The following MFAP4 variants were observed in gnomAD, a reference collection of about 807,000 sequenced individuals.
The protein encoded by MFAP4 is microfibril associated protein 4.
MFAP4 carries 20 observed loss-of-function variants against 32.4 expected under a neutral mutation model. That is an observed-to-expected ratio of 0.62 (90% confidence interval 0.43 to 0.90). The LOEUF (loss-of-function observed/expected upper bound fraction) is 0.90. Among genes scored for constraint, MFAP4 ranks in the 40% least tolerant of loss-of-function variants. The probability of loss-of-function intolerance (pLI) is 0.00; values close to 1 mark genes in which losing one functional copy is unlikely to be tolerated. For synonymous variants in MFAP4, 146 were observed against 137.4 expected, an observed-to-expected ratio of 1.06 and a Z score of -0.44; for missense variants, 267 against 329.5, an observed-to-expected ratio of 0.81 and a Z score of 1.47.
In MFAP4 at chr17:19,383,487, C is replaced by T. The variant is rs12073; in HGVS notation, c.*975G>A. 1,939 of 302,240 alleles carry T rather than the reference C, an allele frequency of 6.4e-3. 34 individuals are homozygous for T. The highest frequency in any genetic ancestry group is 0.039 in the African/African-American group (1,804 of 46,346). 18.7% of individuals were successfully genotyped at this position (302,240 alleles called of 1,614,324 possible). ...TTATTATTATTATGTTATTATTACACTGTCTTTTTGCCATCAAAATGAGGC... is the reference window on the plus strand; with the variant it reads ...TTATTATTATTATGTTATTATTACATTGTCTTTTTGCCATCAAAATGAGGC... On this transcript the variant is annotated 3_prime_UTR_variant, in exon 6 of 6. Transcript: ENST00000299610.
intron 3 of MFAP4, 44 bp from the exon 4 acceptor site, chr17:19,385,498 G>T (rs370965126): frequency 1.5e-5 from 23 of 1,572,032 alleles, no homozygotes; most frequent in Middle Eastern, 3.3e-4. Flanking sequence ...GGTCCAATGG[G>T]CAAGGTTCTG....
At chr17:19,385,616 C>T (rs746551695) in intron 3 of MFAP4, among the ~76,000 whole-genome samples, 162 bp from the exon 4 acceptor site, 2 of 152,172 alleles carry the variant, frequency 1.3e-5, no homozygotes, top group East Asian at 3.9e-4. Flanking sequence ...GCTAAAACAA[C>T]GTCCACATTG....
chr17:19,386,279 G>A, intron 3 of MFAP4, 31 bp downstream of exon 3: 3 of 1,541,994 alleles, frequency 1.9e-6, no homozygotes, highest in Non-Finnish European at 2.6e-6. Flanking sequence ...ATTAGAACCA[G>A]CTCTGGCCTC....
intron 1 of MFAP4, 134 bp from the exon 2 acceptor site, chr17:19,386,972 T>TGCCAGGGCCCCCCCCCCC: frequency 8.5e-6 from 8 of 937,002 alleles, no homozygotes; most frequent in Non-Finnish European, 1.2e-5. Flanking sequence ...TGGCCCCTCT[T>TGCCAGGGCCCCCCCCCCC]CCCTGCCCCC....
In MFAP4 at chr17:19,384,503, A is replaced by G; in HGVS notation, c.727T>C (p.Tyr243His). 6.2e-7 allele frequency: 1 copy of G among 1,605,412 alleles called. No homozygotes were observed. The change falls in exon 6 of 6, where the codon TAC becomes CAC. Residue 243 changes from tyrosine (Y) to histidine (H), a missense_variant. This residue lies in a region of MFAP4 where 25 missense variants were observed against 57.5 expected (regional missense o/e 0.43). Coordinates refer to ENST00000299610, the MANE Select transcript of MFAP4 (RefSeq NM_002404.3). The part of the protein sequence containing the change: ...INWAQWKGFY[Y>H]SLKRTEMKIR... ...TTCATCTCAGTGCGTTTGAGGGAGT[A>G]GTAGAAGCCCTTCCACTGGGCCCAG...
intron 3 of MFAP4, 130 bp downstream of exon 3, chr17:19,386,180 A>C: frequency 8.1e-6 from 7 of 863,446 alleles, no homozygotes; most frequent in Non-Finnish European, 1.0e-5. Context: ...GCAGCTGCTC[A>C]GAAGCTGTGC....
At chr17:19,384,816 G>A in intron 5 of MFAP4, 107 bp from the exon 6 acceptor site, 1 of 1,468,554 alleles carries the variant, frequency 6.8e-7, no homozygotes, top group South Asian at 1.2e-5. Context: ...GTGGCAGCCT[G>A]GCGGGATGGG....
At chr17:19,386,011 C>T (rs551599186) in intron 3 of MFAP4, among the ~76,000 whole-genome samples, 3 of 152,274 alleles carry the variant, frequency 2.0e-5, no homozygotes, top group East Asian at 1.9e-4. Context: ...CCCAGCTACT[C>T]GGGAGCCTGA....
In MFAP4 at chr17:19,386,430, G is replaced by T; in HGVS notation, c.120C>A (p.Asp40Glu). The T allele has an allele frequency of 6.2e-7, 1 of 1,613,902 alleles. No individual in the cohort carries two copies. Among genetic ancestry groups the T allele is most frequent in the South Asian group, 1.1e-5 (1 of 91,036 alleles). Residue 40 changes from aspartate to glutamate, a missense_variant, in exon 3 of 6, where the codon GAC becomes GAA. Asp to Glu is a conservative substitution (Grantham distance 45). Transcript: ENST00000299610. The stretch of plus-strand genomic sequence containing the variant: ...AGCCCTGGGCATAGATGTCGTCACA[G>T]TCCAGGGGTTGCTGAAGGCAAAACC... ...LERFCLQQPL[D>E]CDDIYAQGYQ...
intron 2 of MFAP4, 41 bp from the exon 3 acceptor site, chr17:19,386,505 A>C: frequency 1.9e-6 from 3 of 1,585,532 alleles, no homozygotes; most frequent in Non-Finnish European, 2.6e-6. Flanking sequence ...GAGTGGGACT[A>C]TGGCATCACT....
chr17:19,386,976 T>TTCCCCCCCCCCCCCCCCCCCC, intron 1 of MFAP4, 138 bp from the exon 2 acceptor site: 8 of 590,548 alleles, frequency 1.4e-5, no homozygotes, highest in South Asian at 6.3e-5. Flanking sequence ...CCCTCTTCCC[T>TTCCCCCCCCCCCCCCCCCCCC]GCCCCCCCAC....
chr17:19,386,977 G>GGGCCCCCCCCCCCCCCCCCCCCCCACAC, intron 1 of MFAP4, 139 bp from the exon 2 acceptor site: 1 of 689,460 alleles, frequency 1.5e-6, no homozygotes, highest in Non-Finnish European at 2.4e-6. Flanking sequence ...CCTCTTCCCT[G>GGGCCCCCCCCCCCCCCCCCCCCCCACAC]CCCCCCCACC....
At chr17:19,386,714 C>T (rs1913048616) in intron 2 of MFAP4, 46 bp downstream of exon 2, 1 of 1,544,838 alleles carries the variant, frequency 6.5e-7, no homozygotes, top group Non-Finnish European at 8.8e-7. Context: ...CCTCTTCTTG[C>T]ACAACCTGTG....
rs1178407737 is a variant in MFAP4, at chr17:19,385,344, G to T, written c.337+14C>A. 2 of 1,614,208 alleles carry T rather than the reference G, an allele frequency of 1.2e-6. No homozygotes were observed. Among genetic ancestry groups the T allele is most frequent in the South Asian group, 2.2e-5 (2 of 91,090 alleles). The stretch of plus-strand genomic sequence containing the variant: ...CCTGGGGCAGCCCCTCAGCCCACCT[G>T]GTCCCTGCCTTACCCAGCCAGTACT... On this transcript the variant is annotated intron_variant, in intron 4 of 5. Coordinates refer to ENST00000299610, the MANE Select transcript of MFAP4 (RefSeq NM_002404.3).
In MFAP4 at chr17:19,384,715, A is replaced by G; in HGVS notation, c.521-6T>C. On this transcript the variant is annotated splice_region_variant and splice_polypyrimidine_tract_variant and intron_variant, in intron 5 of 5. Transcript: ENST00000299610. Reference sequence around the variant, plus strand: ...GTGGTAGGACAGGGAGTCACCTGGCAGAGGAGAGAAGGGTTGGGGCTGCTG... The same window carrying G: ...GTGGTAGGACAGGGAGTCACCTGGCGGAGGAGAGAAGGGTTGGGGCTGCTG... 6.2e-7 allele frequency: 1 copy of G among 1,613,946 alleles called. No homozygotes were observed. The highest frequency in any genetic ancestry group is 1.1e-5 in the South Asian group (1 of 91,082).
chr17:19,386,972 T>TGCCGGGGGGGCCCCCCCCCC, intron 1 of MFAP4, 134 bp from the exon 2 acceptor site: 1 of 937,006 alleles, frequency 1.1e-6, no homozygotes, highest in Non-Finnish European at 1.7e-6. Flanking sequence ...TGGCCCCTCT[T>TGCCGGGGGGGCCCCCCCCCC]CCCTGCCCCC....
chr17:19,386,888 T>G (rs1296509866), intron 1 of MFAP4, 50 bp from the exon 2 acceptor site: 3 of 1,518,498 alleles, frequency 2.0e-6, no homozygotes, highest in Admixed American at 2.0e-5. Context: ...GCTCCAGAGA[T>G]CCCCTGTTCT....
chr17:19,385,947 C>T (rs1913015242), intron 3 of MFAP4, among the ~76,000 whole-genome samples: 1 of 152,160 alleles, frequency 6.6e-6, no homozygotes, highest in Non-Finnish European at 1.5e-5. Context: ...GGTGAAACCT[C>T]ATCTCTACTA....
chr17:19,383,834 T>C lies in MFAP4; in HGVS notation c.*628A>G. 1 of 155,872 alleles carries C rather than the reference T, an allele frequency of 6.4e-6. No individual in the cohort carries two copies. Among genetic ancestry groups the C allele is most frequent in the Non-Finnish European group, 1.4e-5 (1 of 70,526 alleles). 9.7% of individuals were successfully genotyped at this position (155,872 alleles called of 1,614,324 possible). On this transcript the variant is annotated 3_prime_UTR_variant, in exon 6 of 6. Coordinates refer to ENST00000299610, the MANE Select transcript of MFAP4 (RefSeq NM_002404.3). ...CTGTTTCAGGGTGGTGTGCGGTAGC[T>C]GTGTTCTTGGCATAGAGCTTCAGGG...
Sources: gnomAD v4.1 joint callset for allele counts (sites outside exome capture counted in the v4.1 genomes callset) on GRCh38, gnomAD v4.1.1 for gene constraint, gnomAD v4.1.1 regional missense constraint, MANE v1.5 for transcripts, NCBI Gene and HGNC (gene_info 2026-07-23, HGNC 2026-07-21) for gene names.